The following ROBO1 variants were observed in gnomAD, a reference collection of about 807,000 sequenced individuals.
ROBO1 encodes roundabout homolog 1.
In ROBO1, 149 loss-of-function variants were observed where a neutral mutation model predicts 195.9. The observed-to-expected ratio is 0.76, with a 90% confidence interval of 0.67 to 0.87. The LOEUF is 0.87. Among genes scored for constraint, ROBO1 ranks in the 40% least tolerant of loss-of-function variants. The pLI, the probability that ROBO1 is intolerant of heterozygous loss-of-function variation, is 0.00. For synonymous variants in ROBO1, 816 were observed against 733.2 expected (o/e 1.11, Z -1.82); for missense variants, 1,933 against 2,068.3 (o/e 0.93, Z 1.27).
intron 2 of ROBO1, among the ~76,000 whole-genome samples, chr3:79,201,556 G>A (rs2081763976): frequency 6.6e-6 from 1 of 151,928 alleles, no homozygotes; most frequent in Admixed American, 6.6e-5. Context: ...TACACAGCGA[G>A]AAAGCTGCTT....
chr3:79,379,778 C>T (rs914726584), intron 2 of ROBO1, among the ~76,000 whole-genome samples: 3 of 152,034 alleles, frequency 2.0e-5, no homozygotes, highest in Non-Finnish European at 4.4e-5. Context: ...AGTATTGCCA[C>T]CAGGCGACAA....
At chr3:78,870,284 A>G (rs908157691) in intron 4 of ROBO1, among the ~76,000 whole-genome samples, 2 of 152,144 alleles carry the variant, frequency 1.3e-5, no homozygotes, top group Non-Finnish European at 2.9e-5. Context: ...TAATGAAGTT[A>G]AGTTAGTAAT....
chr3:79,219,902 CACTT>C (rs1157441293), intron 2 of ROBO1, among the ~76,000 whole-genome samples: 1 of 152,114 alleles, frequency 6.6e-6, no homozygotes, highest in East Asian at 1.9e-4. Context: ...TTTCCTTCCC[CACTT>C]ACTTATGAGG....
chr3:78,695,474 A>T (rs575619302), intron 8 of ROBO1, among the ~76,000 whole-genome samples: 2 of 151,992 alleles, frequency 1.3e-5, no homozygotes, highest in South Asian at 4.2e-4. Context: ...AATTACAAAA[A>T]GTTACCCAGG....
chr3:79,327,017 C>T (rs185931470), intron 2 of ROBO1, among the ~76,000 whole-genome samples: 224 of 152,098 alleles, frequency 1.5e-3, no homozygotes, highest in Middle Eastern at 3.4e-3. Context: ...TAAAAAGGTA[C>T]GTTATGATGC....
At chr3:79,581,552 C>T (rs186886977) in intron 2 of ROBO1, among the ~76,000 whole-genome samples, 1 of 152,138 alleles carries the variant, frequency 6.6e-6, no homozygotes, top group East Asian at 1.9e-4. Flanking sequence ...AGACACAGTA[C>T]CGAAGTACAG....
chr3:79,645,476 C>G, intron 1 of ROBO1, among the ~76,000 whole-genome samples: 1 of 151,778 alleles, frequency 6.6e-6, no homozygotes, highest in South Asian at 2.1e-4. Flanking sequence ...CACTATAGCC[C>G]GGGAGACAAT....
intron 2 of ROBO1, among the ~76,000 whole-genome samples, chr3:79,380,453 A>T (rs1052304166): frequency 2.2e-4 from 34 of 152,298 alleles, no homozygotes; most frequent in South Asian, 1.2e-3. Flanking sequence ...CCATTGACTC[A>T]AAATTCTTTG....
intron 8 of ROBO1, among the ~76,000 whole-genome samples, chr3:78,690,526 G>A (rs2081148642): frequency 2.0e-5 from 3 of 152,016 alleles, no homozygotes; most frequent in Non-Finnish European, 2.9e-5. Flanking sequence ...CATTACCCAG[G>A]TATAATAATA....
intron 1 of ROBO1, 123 bp from the exon 2 acceptor site, chr3:79,590,084 A>G: frequency 1.6e-5 from 8 of 513,806 alleles, no homozygotes; most frequent in Non-Finnish European, 2.8e-5. Context: ...AAACAAAATT[A>G]TTACATAACT....
chr3:79,261,468 G>T (rs1385506703), intron 2 of ROBO1, among the ~76,000 whole-genome samples: 5 of 151,718 alleles, frequency 3.3e-5, no homozygotes, highest in African/African-American at 4.8e-5. Flanking sequence ...ATATATTATT[G>T]TATATATTCA....
intron 2 of ROBO1, among the ~76,000 whole-genome samples, chr3:79,354,502 C>G (rs532784324): frequency 2.0e-5 from 3 of 152,252 alleles, no homozygotes; most frequent in African/African-American, 7.2e-5. Context: ...AGAATTTCAA[C>G]CCTGTGTCAG....
intron 3 of ROBO1, among the ~76,000 whole-genome samples, chr3:78,959,712 T>A (rs1236379346): frequency 6.6e-6 from 1 of 152,170 alleles, no homozygotes; most frequent in African/African-American, 2.4e-5. Flanking sequence ...ATTCACCCAC[T>A]ATGTGATCAA....
At chr3:79,540,620 A>G (rs565935854) in intron 2 of ROBO1, among the ~76,000 whole-genome samples, 1 of 152,220 alleles carries the variant, frequency 6.6e-6, no homozygotes, top group South Asian at 2.1e-4. Flanking sequence ...CTTTCCTGAT[A>G]TGCTTTTAAC....
At chr3:79,142,060 A>G (rs1269429510) in intron 2 of ROBO1, among the ~76,000 whole-genome samples, 2 of 152,118 alleles carry the variant, frequency 1.3e-5, no homozygotes, top group Non-Finnish European at 2.9e-5. Flanking sequence ...ATATTTTTCC[A>G]AAAGAGACAT....
At chr3:79,609,844 G>A (rs1164547897) in intron 1 of ROBO1, among the ~76,000 whole-genome samples, 1 of 151,724 alleles carries the variant, frequency 6.6e-6, no homozygotes, top group Non-Finnish European at 1.5e-5. Flanking sequence ...AGGAGTTGAG[G>A]GAAGAAGAAA....
chr3:79,750,829 A>C (rs1195469515), intron 1 of ROBO1, among the ~76,000 whole-genome samples: 1 of 152,130 alleles, frequency 6.6e-6, no homozygotes, highest in Non-Finnish European at 1.5e-5. Context: ...GAACTAATAC[A>C]TGGTCTTTTC....
intron 22 of ROBO1, among the ~76,000 whole-genome samples, chr3:78,638,559 A>G (rs1411940815): frequency 6.6e-6 from 1 of 152,130 alleles, no homozygotes; most frequent in Non-Finnish European, 1.5e-5. Flanking sequence ...ATATGATTAA[A>G]GATTATTTAA....
At chr3:79,559,028 G>T (rs563910636) in intron 2 of ROBO1, among the ~76,000 whole-genome samples, 3 of 152,094 alleles carry the variant, frequency 2.0e-5, no homozygotes, top group Non-Finnish European at 4.4e-5. Flanking sequence ...TAAACAAGCC[G>T]CAACTTAACC....
Sources: gnomAD v4.1 joint callset for allele counts (sites outside exome capture counted in the v4.1 genomes callset) on GRCh38, gnomAD v4.1.1 for gene constraint, MANE v1.5 for transcripts, NCBI Gene and HGNC (gene_info 2026-07-23, HGNC 2026-07-21) for gene names.